CAMK4: variants seen among roughly 807,000 people sequenced by gnomAD.
CAMK4 encodes the protein calcium/calmodulin dependent protein kinase IV.
Under a neutral mutation model 44.9 loss-of-function variants are expected in CAMK4, and 22 were observed. The observed-to-expected ratio is 0.49, with a 90% CI of 0.35 to 0.70. The LOEUF (loss-of-function observed/expected upper bound fraction) is 0.70. Among genes scored for constraint, CAMK4 ranks in the 30% least tolerant of loss-of-function variants. The probability of loss-of-function intolerance (pLI) is 0.01; values close to 1 mark genes in which losing one functional copy is unlikely to be tolerated. For missense variants in CAMK4, 498 were observed against 586.8 expected (o/e 0.85, Z 1.56); for synonymous variants, 218 against 215.4 (o/e 1.01, Z -0.11).
chr5:111,317,228 G>A (rs74549103), intron 1 of CAMK4, among the ~76,000 whole-genome samples: 6 of 152,076 alleles, frequency 3.9e-5, no homozygotes, highest in African/African-American at 1.4e-4. Flanking sequence ...ACTGAAATGT[G>A]CTAAAAAATG....
intron 2 of CAMK4, among the ~76,000 whole-genome samples, chr5:111,348,586 A>G (rs377181834): frequency 1.3e-5 from 2 of 152,186 alleles, no homozygotes; most frequent in East Asian, 3.9e-4. Flanking sequence ...ATTAAATTAC[A>G]TATCAGCCAG....
At chr5:111,472,518 C>A (rs1460998812) in intron 7 of CAMK4, among the ~76,000 whole-genome samples, 3 of 152,166 alleles carry the variant, frequency 2.0e-5, no homozygotes. Flanking sequence ...CCTTAGTACT[C>A]AGGGAAAGTG....
intron 4 of CAMK4, among the ~76,000 whole-genome samples, chr5:111,390,661 G>GT (rs1189603101): frequency 2.0e-5 from 3 of 152,300 alleles, no homozygotes; most frequent in African/African-American, 7.2e-5. Context: ...TATTAGAAAT[G>GT]TTTTTTCTCC....
intron 1 of CAMK4, among the ~76,000 whole-genome samples, chr5:111,283,509 C>T (rs1410786881): frequency 6.6e-6 from 1 of 152,162 alleles, no homozygotes; most frequent in Non-Finnish European, 1.5e-5. Context: ...ACTATTATCC[C>T]CAATAATGTC....
chr5:111,271,399 T>G (rs747984333), intron 1 of CAMK4, among the ~76,000 whole-genome samples: 2 of 152,164 alleles, frequency 1.3e-5, no homozygotes, highest in Non-Finnish European at 2.9e-5. Context: ...AATCACTTGA[T>G]GGAGGGCTGG....
At chr5:111,376,517 G>T (rs1024715715) in intron 3 of CAMK4, among the ~76,000 whole-genome samples, 1 of 152,078 alleles carries the variant, frequency 6.6e-6, no homozygotes, top group African/African-American at 2.4e-5. Flanking sequence ...GCCTCAAATG[G>T]TTTAGGAAGT....
chr5:111,448,236 T>C (rs1249216817), intron 6 of CAMK4, among the ~76,000 whole-genome samples: 1 of 152,194 alleles, frequency 6.6e-6, no homozygotes, highest in Non-Finnish European at 1.5e-5. Context: ...TAAAAAGGAT[T>C]CTTACCAAAA....
At chr5:111,358,255 T>C (rs975135230) in intron 2 of CAMK4, 1 of 152,020 alleles carries the variant, frequency 6.6e-6, no homozygotes. Flanking sequence ...CACTGGCAAA[T>C]GAAGGAAAAA....
At chr5:111,465,521 A>G (rs1212159662) in intron 7 of CAMK4, among the ~76,000 whole-genome samples, 1 of 152,188 alleles carries the variant, frequency 6.6e-6, no homozygotes, top group East Asian at 1.9e-4. Flanking sequence ...ACAACAGGAG[A>G]TACTACAACC....
At chr5:111,377,040 G>C in intron 4 of CAMK4, 98 bp downstream of exon 4, 1 of 714,954 alleles carries the variant, frequency 1.4e-6, no homozygotes, top group Non-Finnish European at 2.4e-6. Flanking sequence ...TATAATGACA[G>C]ATTATACTTG....
chr5:111,286,803 T>A lies in CAMK4; in HGVS notation c.162-57221T>A, dbSNP rs193167427. On this transcript the variant is annotated intron_variant, in intron 1 of 10. Transcript: ENST00000282356. ...GGTTGGGAGCTTATTAACTGATGCA[T>A]GTTAGAAAGAAAAAAAGAAAACTGC... 2.6e-5 allele frequency among the ~76,000 whole-genome samples: 4 copies of A among 152,272 alleles called. No individual in the cohort carries two copies. The East Asian group carries it at 7.7e-4, about 29-fold the overall frequency.
intron 1 of CAMK4, among the ~76,000 whole-genome samples, chr5:111,248,431 G>A (rs937059199): frequency 6.6e-6 from 1 of 151,798 alleles, no homozygotes; most frequent in Non-Finnish European, 1.5e-5. Flanking sequence ...GGCATGATAA[G>A]CCTCATCTTA....
chr5:111,268,745 T>A (rs1254845305), intron 1 of CAMK4, among the ~76,000 whole-genome samples: 2 of 152,182 alleles, frequency 1.3e-5, no homozygotes, highest in African/African-American at 2.4e-5. Context: ...TCAAAGATAA[T>A]TTGTTTCCAC....
intron 1 of CAMK4, among the ~76,000 whole-genome samples, chr5:111,236,282 T>G (rs1748715942): frequency 6.6e-6 from 1 of 152,236 alleles, no homozygotes; most frequent in Admixed American, 6.5e-5. Context: ...CAATCTGAGC[T>G]CAACTTCCAG....
intron 3 of CAMK4, among the ~76,000 whole-genome samples, chr5:111,375,756 A>G (rs1751191209): frequency 6.6e-6 from 1 of 152,130 alleles, no homozygotes; most frequent in South Asian, 2.1e-4. Context: ...CTGTTCCAGA[A>G]CCCAAATACC....
chr5:111,261,683 C>T (rs1355715971), intron 1 of CAMK4, among the ~76,000 whole-genome samples: 2 of 151,874 alleles, frequency 1.3e-5, no homozygotes, highest in East Asian at 1.9e-4. Flanking sequence ...GAATGCCCTC[C>T]ATCCCTACTT....
At chr5:111,474,990 C>T (rs1039433222) in intron 8 of CAMK4, among the ~76,000 whole-genome samples, 26 of 152,188 alleles carry the variant, frequency 1.7e-4, no homozygotes, top group Admixed American at 4.6e-4. Flanking sequence ...GGTGAAACCC[C>T]GTCTCTACTA....
chr5:111,349,898 A>G (rs1056817568), intron 2 of CAMK4, among the ~76,000 whole-genome samples: 3 of 152,034 alleles, frequency 2.0e-5, no homozygotes, highest in African/African-American at 7.2e-5. Context: ...AACTCTTGGA[A>G]AAGCTTGTAT....
At chr5:111,464,610 A>T (rs551831681) in intron 7 of CAMK4, among the ~76,000 whole-genome samples, 1 of 152,280 alleles carries the variant, frequency 6.6e-6, no homozygotes, top group Non-Finnish European at 1.5e-5. Flanking sequence ...ATCGAAAATG[A>T]TTTATAGTCT....
Sources: gnomAD v4.1 joint callset for allele counts (sites outside exome capture counted in the v4.1 genomes callset) on GRCh38, gnomAD v4.1.1 for gene constraint, MANE v1.5 for transcripts, NCBI Gene and HGNC (gene_info 2026-07-23, HGNC 2026-07-21) for gene names.